Variants in PALM2AKAP2 observed in about 807,000 individuals in gnomAD.
The protein encoded by PALM2AKAP2 is PALM2 and AKAP2 fusion, also known as PALM2-AKAP2 fusion protein.
A neutral mutation model predicts 71.5 loss-of-function variants in PALM2AKAP2; 37 were observed. The observed-to-expected ratio is 0.52, with a 90% CI of 0.40 to 0.68. The LOEUF (loss-of-function observed/expected upper bound fraction) is 0.68. PALM2AKAP2 is among the 30% of genes least tolerant of loss of function. The pLI is 0.00. For missense variants in PALM2AKAP2, 1,224 were observed against 1,191.8 expected (o/e 1.03, Z -0.40); for synonymous variants, 468 against 478.8 (o/e 0.98, Z 0.29).
At chr9:109,983,118 G>C (rs1054299146) in intron 6 of PALM2AKAP2, among the ~76,000 whole-genome samples, 1 of 152,082 alleles carries the variant, frequency 6.6e-6, no homozygotes, top group African/African-American at 2.4e-5. Context: ...GTGAGAAAAG[G>C]GTTTTCTTTC....
chr9:109,691,923 T>TAC (rs1449282274), intron 1 of PALM2AKAP2, among the ~76,000 whole-genome samples: 1 of 119,566 alleles, frequency 8.4e-6, no homozygotes, highest in Non-Finnish European at 1.7e-5. Context: ...TATATATATA[T>TAC]ACACATATAT....
chr9:109,992,408 C>A (rs548904381), intron 6 of PALM2AKAP2, among the ~76,000 whole-genome samples: 3 of 152,232 alleles, frequency 2.0e-5, no homozygotes, highest in East Asian at 1.9e-4. Context: ...TTCAAAATAT[C>A]TTTTTAATTT....
chr9:109,864,060 CAA>C, intron 1 of PALM2AKAP2, among the ~76,000 whole-genome samples: 1 of 139,618 alleles, frequency 7.2e-6, no homozygotes, highest in South Asian at 2.3e-4. Flanking sequence ...GACTCTGTCT[CAA>C]AAAAAAAAAA....
At chr9:109,816,997 A>C (rs1827870450) in intron 1 of PALM2AKAP2, among the ~76,000 whole-genome samples, 2 of 152,186 alleles carry the variant, frequency 1.3e-5, no homozygotes, top group South Asian at 4.1e-4. Flanking sequence ...GATGTAGTCT[A>C]TTTTCAACTT....
chr9:110,091,894 C>T (rs1348046860), intron 1 of PALM2AKAP2, among the ~76,000 whole-genome samples: 1 of 152,192 alleles, frequency 6.6e-6, no homozygotes, highest in African/African-American at 2.4e-5. Flanking sequence ...CCATGATCCC[C>T]TAAATATATT....
At chr9:109,666,389 A>G (rs951293441) in intron 1 of PALM2AKAP2, among the ~76,000 whole-genome samples, 1 of 152,178 alleles carries the variant, frequency 6.6e-6, no homozygotes, top group Non-Finnish European at 1.5e-5. Context: ...ATGAATCTCA[A>G]TTTGGAAAAA....
At chr9:109,691,706 C>A (rs1309769355) in intron 1 of PALM2AKAP2, among the ~76,000 whole-genome samples, 1 of 150,612 alleles carries the variant, frequency 6.6e-6, no homozygotes, top group Non-Finnish European at 1.5e-5. Flanking sequence ...TTGGAAGTAA[C>A]CTCTCATATT....
intron 1 of PALM2AKAP2, among the ~76,000 whole-genome samples, chr9:110,061,619 T>A (rs1588085080): frequency 6.8e-6 from 1 of 147,966 alleles, no homozygotes. Flanking sequence ...TATATATATA[T>A]AAAATATATA....
chr9:109,919,765 G>GTGTA (rs1554726537), intron 3 of PALM2AKAP2, among the ~76,000 whole-genome samples: 29 of 150,714 alleles, frequency 1.9e-4, no homozygotes, highest in African/African-American at 6.8e-4. Flanking sequence ...GTGTGTGTGT[G>GTGTA]TATATATGTA....
chr9:109,816,344 C>G (rs556120383), intron 1 of PALM2AKAP2, among the ~76,000 whole-genome samples: 4 of 151,884 alleles, frequency 2.6e-5, no homozygotes, highest in African/African-American at 9.7e-5. Context: ...TGATCTTAGG[C>G]GAAAAGACAT....
At chr9:109,789,406 TG>T (rs1827050711) in intron 1 of PALM2AKAP2, among the ~76,000 whole-genome samples, 1 of 152,232 alleles carries the variant, frequency 6.6e-6, no homozygotes, top group South Asian at 2.1e-4. Flanking sequence ...ATTTACTTAA[TG>T]ATGGTTAATA....
intron 1 of PALM2AKAP2, among the ~76,000 whole-genome samples, chr9:109,767,317 G>A (rs1052617218): frequency 3.9e-5 from 6 of 152,136 alleles, no homozygotes; most frequent in Non-Finnish European, 7.4e-5. Flanking sequence ...CCGCCCCACC[G>A]GCCTGTGCCC....
chr9:109,963,227 T>C (rs1305634970), intron 6 of PALM2AKAP2, among the ~76,000 whole-genome samples: 1 of 152,168 alleles, frequency 6.6e-6, no homozygotes, highest in Non-Finnish European at 1.5e-5. Flanking sequence ...GTCTGATTTG[T>C]TTAGCCTGAA....
At chr9:109,905,791 A>T (rs979585493) in intron 3 of PALM2AKAP2, among the ~76,000 whole-genome samples, 42 of 152,142 alleles carry the variant, frequency 2.8e-4, no homozygotes, top group African/African-American at 9.9e-4. Flanking sequence ...CTTCAAATTC[A>T]TGCCTTGGCC....
At chr9:110,032,724 AAATAAATAAATAAAT>A (rs2132419024) in intron 7 of PALM2AKAP2, among the ~76,000 whole-genome samples, 1 of 112,132 alleles carries the variant, frequency 8.9e-6, no homozygotes, top group African/African-American at 2.6e-5. Context: ...ATAAATAAAT[AAATAAATAAATAAAT>A]AAAATAAAAA....
intron 2 of PALM2AKAP2, among the ~76,000 whole-genome samples, chr9:110,150,996 T>C (rs931104569): frequency 3.3e-5 from 5 of 152,158 alleles, no homozygotes; most frequent in Non-Finnish European, 7.3e-5. Flanking sequence ...CATTCTTCAA[T>C]AGGAAGATAT....
intron 1 of PALM2AKAP2, chr9:109,863,059 G>A (rs1829358202): frequency 2.4e-6 from 1 of 421,776 alleles, no homozygotes; most frequent in African/African-American, 2.1e-5. Flanking sequence ...GCAAGGGTCG[G>A]AGGTGGTCAG....
intron 1 of PALM2AKAP2, among the ~76,000 whole-genome samples, chr9:109,695,809 T>A (rs530957674): frequency 6.6e-6 from 1 of 152,238 alleles, no homozygotes; most frequent in East Asian, 1.9e-4. Context: ...CACTCATATG[T>A]GGGAGCTAAA....
chr9:109,826,156 T>C (rs896258429), intron 1 of PALM2AKAP2, among the ~76,000 whole-genome samples: 7 of 151,378 alleles, frequency 4.6e-5, no homozygotes, highest in Admixed American at 1.3e-4. Flanking sequence ...TAGGTGGGAA[T>C]TGAACAATGA....
Sources: gnomAD v4.1 joint callset for allele counts (sites outside exome capture counted in the v4.1 genomes callset) on GRCh38, gnomAD v4.1.1 for gene constraint, MANE v1.5 for transcripts, NCBI Gene and HGNC (gene_info 2026-07-23, HGNC 2026-07-21) for gene names.